The following POLD3 variants were observed in gnomAD, a reference collection of about 807,000 sequenced individuals.
The protein encoded by POLD3 is DNA polymerase delta 3, accessory subunit.
In POLD3, 19 loss-of-function variants were observed where a neutral mutation model predicts 58.2. The observed-to-expected ratio is 0.33, with a 90% confidence interval of 0.23 to 0.48. POLD3 has a LOEUF of 0.48. Among genes scored for constraint, POLD3 ranks in the 20% least tolerant of loss-of-function variants. The probability of loss-of-function intolerance (pLI) is 0.99; values close to 1 mark genes in which losing one functional copy is unlikely to be tolerated. For missense variants in POLD3, 504 were observed against 545.5 expected, an observed-to-expected ratio of 0.92 and a Z score of 0.76; for synonymous variants, 172 against 193.5, an observed-to-expected ratio of 0.89 and a Z score of 0.92.
chr11:74,639,017 C>T (rs1182914575), intron 11 of POLD3, among the ~76,000 whole-genome samples: 6 of 152,158 alleles, frequency 3.9e-5, no homozygotes, highest in Non-Finnish European at 8.8e-5. Flanking sequence ...ATTATGCAGC[C>T]TTAATGGGAT....
At chr11:74,625,871 T>TTGTG (rs56365420) in intron 8 of POLD3, among the ~76,000 whole-genome samples, 22,435 of 143,470 alleles carry the variant, frequency 0.16, 1,828 homozygotes, top group Middle Eastern at 0.19. Flanking sequence ...GTGTGCCTAG[T>TTGTG]TGTGTGTGTG....
intron 4 of POLD3, among the ~76,000 whole-genome samples, chr11:74,649,021 A>G (rs4944927): frequency 0.04 from 6,066 of 152,190 alleles, 173 homozygotes; most frequent in South Asian, 0.12. Context: ...ATGCTTGGAA[A>G]TTCTCTGGCT....
chr11:74,640,006 C>G (rs145455800), intron 11 of POLD3, among the ~76,000 whole-genome samples: 8 of 152,290 alleles, frequency 5.3e-5, no homozygotes, highest in Admixed American at 1.3e-4. Flanking sequence ...CTTCAATTCT[C>G]TGTACCTAGG....
chr11:74,625,418 A>G lies in POLD3; in HGVS notation c.744A>G (p.Lys248=), dbSNP rs2032395762. 5.6e-6 allele frequency: 9 copies of G among 1,604,416 alleles called. No individual in the cohort carries two copies. Among genetic ancestry groups the G allele is most frequent in the Non-Finnish European group, 7.7e-6 (9 of 1,176,420 alleles). Residue 248 remains lysine, a synonymous_variant, in exon 8 of 12, where the codon AAA becomes AAG. Coordinates refer to ENST00000263681, the MANE Select transcript of POLD3 (RefSeq NM_006591.3). The part of the protein sequence containing the change: ...FFGKAAMNKF[K]VNLDSEQAVK... ...ATACTTTATTTATAGATAAATTTAA[A>G]GTCAATTTGGACTCAGAACAAGCAG... is the stretch of plus-strand genomic sequence containing the variant.
At chr11:74,664,809 G>A (rs932975761) in intron 4 of POLD3, among the ~76,000 whole-genome samples, 1 of 152,170 alleles carries the variant, frequency 6.6e-6, no homozygotes, top group African/African-American at 2.4e-5. Context: ...TCTCAGTAGA[G>A]TCAGAAAGAG....
At chr11:74,652,139 G>A (rs921694709) in intron 4 of POLD3, among the ~76,000 whole-genome samples, 1 of 152,100 alleles carries the variant, frequency 6.6e-6, no homozygotes, top group Non-Finnish European at 1.5e-5. Flanking sequence ...ACTCTAGATG[G>A]CCAAATTTTA....
intron 7 of POLD3, 102 bp from the exon 8 acceptor site, chr11:74,625,306 C>A (rs2032391645): frequency 2.2e-6 from 2 of 889,702 alleles, no homozygotes; most frequent in African/African-American, 3.4e-5. Flanking sequence ...CTTTTTGCCC[C>A]TGCTCCTAAC....
intron 2 of POLD3, among the ~76,000 whole-genome samples, chr11:74,602,426 C>T (rs962549963): frequency 5.3e-5 from 8 of 152,190 alleles, no homozygotes; most frequent in Admixed American, 1.3e-4. Flanking sequence ...CAGCTTCCTT[C>T]TTTGGGTTGC....
At chr11:74,662,303 G>A (rs549247834) in intron 4 of POLD3, among the ~76,000 whole-genome samples, 1 of 152,022 alleles carries the variant, frequency 6.6e-6, no homozygotes, top group Admixed American at 6.5e-5. Context: ...CTCACCTGAA[G>A]CCAGCATGTC....
chr11:74,612,109 G>A (rs1409113271), intron 4 of POLD3, among the ~76,000 whole-genome samples: 2 of 152,196 alleles, frequency 1.3e-5, no homozygotes, highest in African/African-American at 4.8e-5. Context: ...GATTGGGACT[G>A]AGGAGGGTGG....
intron 7 of POLD3, among the ~76,000 whole-genome samples, chr11:74,621,055 A>T (rs1313902366): frequency 6.6e-6 from 1 of 152,024 alleles, no homozygotes; most frequent in Non-Finnish European, 1.5e-5. Flanking sequence ...GGAAAATGTG[A>T]TACTTAAAGG....
rs1270286771 is a variant in POLD3 at position 74,625,534 on chromosome 11, AAGC to A, written c.863_865del (p.Ala288del). ...GCAGGCCTGAAAAAATCCAGCAAAAAAGCAGAGCCTGTTAAGGTGCTGCAGAAG... is the reference window on the plus strand; with the variant it reads ...GCAGGCCTGAAAAAATCCAGCAAAAAAGAGCCTGTTAAGGTGCTGCAGAAG... On this transcript the variant is annotated inframe_deletion, in exon 8 of 12. Coordinates refer to ENST00000263681, the MANE Select transcript of POLD3 (RefSeq NM_006591.3). 1.2e-6 allele frequency: 2 copies of A among 1,613,770 alleles called. No individual in the cohort carries two copies. Among genetic ancestry groups the A allele is most frequent in the Non-Finnish European group, 1.7e-6 (2 of 1,179,842 alleles).
Position 74,625,622 on chromosome 11 carries a change from G to A in POLD3, c.899+49G>A, listed in dbSNP as rs1324328813. On this transcript the variant is annotated intron_variant, in intron 8 of 11. Coordinates refer to ENST00000263681, the MANE Select transcript of POLD3 (RefSeq NM_006591.3). ...GGGGAAGAGTCTTTACTGGGGGTGA[G>A]AAGGTCTCTTTGGGCTTATTGACAG... 7 of 1,505,708 alleles carry A rather than the reference G, an allele frequency of 4.6e-6. No homozygotes were observed. The African/African-American group carries it at 8.4e-5, about 18-fold the overall frequency. The allele number at this position is 1,505,708 out of a possible 1,614,324, so 93.3% of individuals were successfully genotyped here.
At chr11:74,644,005 A>G (rs2032969496), downstream of POLD3, among the ~76,000 whole-genome samples, 1 of 152,112 alleles carries the variant, frequency 6.6e-6, no homozygotes, top group Non-Finnish European at 1.5e-5. Context: ...TTTTAAAGTG[A>G]TTTCAAAAGC....
chr11:74,625,293 C>T (rs2032391276), intron 7 of POLD3, 115 bp from the exon 8 acceptor site: 1 of 723,494 alleles, frequency 1.4e-6, no homozygotes, highest in Non-Finnish European at 2.2e-6. Flanking sequence ...AGTCCATGAG[C>T]TCCTTTTTGC....
rs555128659 is a variant in POLD3 at position 74,604,620 on chromosome 11, T to C, written c.117-72T>C. The C allele has an allele frequency of 3.2e-5, 26 of 818,224 alleles. No individual in the cohort carries two copies. The South Asian group carries it at 3.9e-4, about 12-fold the overall frequency. The allele number at this position is 818,224 out of a possible 1,614,324, so 50.7% of individuals were successfully genotyped here. A position where few individuals can be genotyped will look rare whatever the true frequency, so the allele number is the denominator to read the frequency against. On this transcript the variant is annotated intron_variant, in intron 2 of 11. Coordinates refer to ENST00000263681, the MANE Select transcript of POLD3 (RefSeq NM_006591.3). Reference sequence around the variant, plus strand: ...TACCAGATTTCATTTATCTTTTAAGTCATTAATTAAGAGTTGATCATGTAA... The same window carrying C: ...TACCAGATTTCATTTATCTTTTAAGCCATTAATTAAGAGTTGATCATGTAA...
At chr11:74,603,260 A>G (rs2031562942) in intron 2 of POLD3, among the ~76,000 whole-genome samples, 1 of 152,142 alleles carries the variant, frequency 6.6e-6, no homozygotes. Context: ...TGGGGAGGAG[A>G]AGAGGAATTG....
chr11:74,625,555 T>A lies in POLD3; in HGVS notation c.881T>A (p.Leu294Gln). The A allele has an allele frequency of 6.2e-7, 1 of 1,600,080 alleles. No homozygotes were observed. Among genetic ancestry groups the A allele is most frequent in the Non-Finnish European group, 8.5e-7 (1 of 1,176,328 alleles). The change falls in exon 8 of 12, where the codon CTG becomes CAG. Residue 294 changes from leucine (L) to glutamine (Q), a missense_variant. Leu to Gln is a moderately radical substitution (Grantham distance 113, BLOSUM62 -2). Coordinates refer to ENST00000263681, the MANE Select transcript of POLD3 (RefSeq NM_006591.3). The part of the protein sequence containing the change: ...SSKKAEPVKV[L>Q]QKEKKRGKRV... ...AAAAAAGCAGAGCCTGTTAAGGTGCTGCAGAAGGAAAAAAAAAGGTAGGAA... is the reference window on the plus strand; with the variant it reads ...AAAAAAGCAGAGCCTGTTAAGGTGCAGCAGAAGGAAAAAAAAAGGTAGGAA...
At chr11:74,629,190 G>A (rs772848726) in intron 8 of POLD3, 27 bp from the exon 9 acceptor site, 4 of 1,366,898 alleles carry the variant, frequency 2.9e-6, no homozygotes, top group South Asian at 1.2e-5. Flanking sequence ...TGTGTAACAC[G>A]CTTAATTTAT....
Sources: gnomAD v4.1 joint callset for allele counts (sites outside exome capture counted in the v4.1 genomes callset) on GRCh38, gnomAD v4.1.1 for gene constraint, MANE v1.5 for transcripts, NCBI Gene and HGNC (gene_info 2026-07-23, HGNC 2026-07-21) for gene names.